Variants in PIK3C2G observed in about 807,000 individuals in gnomAD.
PIK3C2G encodes phosphatidylinositol 3-kinase C2 domain-containing subunit gamma.
Under a neutral mutation model 181.1 loss-of-function variants are expected in PIK3C2G, and 168 were observed. The ratio of observed to expected loss-of-function variants is 0.93; its 90% CI spans 0.82 to 1.05. The LOEUF is 1.05. Among genes scored for constraint, PIK3C2G ranks in the 50% least tolerant of loss-of-function variants. PIK3C2G has a pLI of 0.00. For synonymous variants in PIK3C2G, 573 were observed against 592.2 expected (o/e 0.97, Z 0.47); for missense variants, 1,869 against 1,732.8 (o/e 1.08, Z -1.40).
the PIK3C2G span, among the ~76,000 whole-genome samples, chr12:18,707,698 A>G: frequency 1.3e-5 from 2 of 149,986 alleles, no homozygotes; most frequent in African/African-American, 5.1e-5. Context: ...ATTATTGTCT[A>G]TGTAATTTCA....
At chr12:18,328,241 A>C (rs1415682775) in intron 8 of PIK3C2G, among the ~76,000 whole-genome samples, 1 of 151,990 alleles carries the variant, frequency 6.6e-6, no homozygotes, top group Admixed American at 6.6e-5. Flanking sequence ...CATCTAGCCC[A>C]TGACTCAGAG....
chr12:18,546,451 G>GCTCACACAT lies in PIK3C2G; in HGVS notation c.3590+19_3590+20insCTCACACAT. ...TTACCAAGTAAGATCACCTATGAAT[G>GCTCACACAT]TGTGAGCATGCATGCATGAATGTAC... On this transcript the variant is annotated intron_variant, in intron 26 of 32. Transcript: ENST00000538779. 7.6e-7 allele frequency: 1 copy of GCTCACACAT among 1,307,512 alleles called. No homozygotes were observed. The highest frequency in any genetic ancestry group is 1.1e-6 in the Non-Finnish European group (1 of 913,940). 81.0% of individuals were successfully genotyped at this position (1,307,512 alleles called of 1,614,324 possible).
intron 1 of PIK3C2G, among the ~76,000 whole-genome samples, chr12:18,278,655 C>T (rs984146256): frequency 1.3e-5 from 2 of 152,076 alleles, no homozygotes; most frequent in African/African-American, 4.8e-5. Flanking sequence ...AAATATGTCA[C>T]AATTGCTCTT....
At chr12:18,441,929 A>G (rs916179898) in intron 18 of PIK3C2G, among the ~76,000 whole-genome samples, 1 of 152,242 alleles carries the variant, frequency 6.6e-6, no homozygotes, top group African/African-American at 2.4e-5. Flanking sequence ...TTAATTTCCT[A>G]CGTCTATCTG....
chr12:18,558,329 A>C (rs920946371), intron 26 of PIK3C2G, among the ~76,000 whole-genome samples: 2 of 152,194 alleles, frequency 1.3e-5, no homozygotes, highest in African/African-American at 4.8e-5. Flanking sequence ...CCATTTAAAA[A>C]TATGATTTAA....
At chr12:18,694,050 A>G in the PIK3C2G span, 189,733 of 1,367,344 alleles carry the variant, frequency 0.14, 14,492 homozygotes, top group African/African-American at 0.2. Flanking sequence ...TCTAAAGAAA[A>G]TGTTCTTTAT....
chr12:18,683,511 C>G, the PIK3C2G span: 1 of 1,505,874 alleles, frequency 6.6e-7, no homozygotes, highest in Admixed American at 2.0e-5. Flanking sequence ...TTCTGACTTC[C>G]TAACTGCCCA....
chr12:18,547,571 G>A (rs1043733824), intron 26 of PIK3C2G, among the ~76,000 whole-genome samples: 5 of 151,944 alleles, frequency 3.3e-5, no homozygotes, highest in African/African-American at 7.2e-5. Flanking sequence ...GGTCCCTCTA[G>A]TCCTGGGTTT....
At chr12:18,303,011 C>G (rs925106486) in intron 5 of PIK3C2G, among the ~76,000 whole-genome samples, 9 of 152,108 alleles carry the variant, frequency 5.9e-5, no homozygotes, top group Non-Finnish European at 1.5e-5. Context: ...GGCCTGTCCT[C>G]AGACCCCCCA....
intron 16 of PIK3C2G, among the ~76,000 whole-genome samples, chr12:18,416,916 C>G (rs4763503): frequency 0.25 from 37,262 of 151,952 alleles, 4,897 homozygotes; most frequent in Admixed American, 0.35. Flanking sequence ...GTTTCATAAG[C>G]CTACAGCTGC....
At chr12:18,432,180 T>C (rs1238197518) in intron 18 of PIK3C2G, among the ~76,000 whole-genome samples, 1 of 152,206 alleles carries the variant, frequency 6.6e-6, no homozygotes, top group East Asian at 1.9e-4. Context: ...CTAATAAATA[T>C]CTATGAAAAT....
intron 30 of PIK3C2G, among the ~76,000 whole-genome samples, chr12:18,601,559 C>T (rs938789094): frequency 3.3e-5 from 5 of 151,882 alleles, no homozygotes; most frequent in Admixed American, 6.6e-5. Flanking sequence ...TTCTATACTA[C>T]GTAGGATGTA....
intron 16 of PIK3C2G, among the ~76,000 whole-genome samples, chr12:18,401,484 C>T (rs10841022): frequency 0.25 from 38,358 of 151,878 alleles, 5,236 homozygotes; most frequent in Admixed American, 0.36. Context: ...AAATTCTAGC[C>T]GGTTTTTGCT....
chr12:18,358,494 G>A (rs1295828968), intron 11 of PIK3C2G: 6 of 263,582 alleles, frequency 2.3e-5, no homozygotes, highest in Non-Finnish European at 4.5e-5. Context: ...TGACTCTCAG[G>A]ACCCACTTAA....
At chr12:18,720,093 G>A in the PIK3C2G span, among the ~76,000 whole-genome samples, 2 of 152,130 alleles carry the variant, frequency 1.3e-5, no homozygotes, top group East Asian at 3.9e-4. Context: ...CACTTTATAT[G>A]AATTGACTCA....
the PIK3C2G span, among the ~76,000 whole-genome samples, chr12:18,679,542 G>A: frequency 1.3e-5 from 2 of 151,940 alleles, no homozygotes; most frequent in Middle Eastern, 3.4e-3. Context: ...GTCATTTACT[G>A]TAAACCATAG....
chr12:18,431,021 TTAAA>T, intron 18 of PIK3C2G, among the ~76,000 whole-genome samples: 1 of 152,122 alleles, frequency 6.6e-6, no homozygotes, highest in Non-Finnish European at 1.5e-5. Context: ...ACAGATGACT[TTAAA>T]TAAAGCAAAA....
At chr12:18,265,647 G>C (rs1356989058) in intron 1 of PIK3C2G, among the ~76,000 whole-genome samples, 1 of 152,054 alleles carries the variant, frequency 6.6e-6, no homozygotes, top group Non-Finnish European at 1.5e-5. Context: ...CTGTGTAGGT[G>C]TGTATGTTTG....
intron 18 of PIK3C2G, among the ~76,000 whole-genome samples, chr12:18,454,183 T>C (rs1947510345): frequency 6.6e-6 from 1 of 152,032 alleles, no homozygotes; most frequent in African/African-American, 2.4e-5. Context: ...GTAAACAAAA[T>C]AAAAATCTCA....
Sources: allele counts gnomAD v4.1 joint callset (sites outside exome capture counted in the v4.1 genomes callset), GRCh38; gene constraint gnomAD v4.1.1; transcripts MANE v1.5; gene names NCBI Gene and HGNC (gene_info 2026-07-23, HGNC 2026-07-21).